ADAMTS16: variants seen among roughly 807,000 people sequenced by gnomAD.
The protein encoded by ADAMTS16 is A disintegrin and metalloproteinase with thrombospondin motifs 16.
ADAMTS16 carries 94 observed loss-of-function variants against 145.8 expected under a neutral mutation model. The ratio of observed to expected loss-of-function variants is 0.64; its 90% CI spans 0.55 to 0.77. The LOEUF is 0.77. Among genes scored for constraint, ADAMTS16 ranks in the 30% least tolerant of loss-of-function variants. The pLI is 0.00. For synonymous variants in ADAMTS16, 659 were observed against 604.3 expected, an observed-to-expected ratio of 1.09 and a Z score of -1.33; for missense variants, 1,585 against 1,591.5, an observed-to-expected ratio of 1.00 and a Z score of 0.07.
chr5:5,197,659 G>A lies in ADAMTS16; in HGVS notation c.1314-2473G>A, dbSNP rs534502374. Among the ~76,000 whole-genome samples, 31 of 152,348 alleles carry A rather than the reference G, an allele frequency of 2.0e-4. No individual in the cohort carries two copies. In the South Asian group the frequency reaches 6.4e-3, roughly 32 times the overall value. On this transcript the variant is annotated intron_variant, in intron 8 of 22. Coordinates refer to ENST00000274181, the MANE Select transcript of ADAMTS16 (RefSeq NM_139056.4). ...CTGCATAATTTGAATAGTAGTTATA[G>A]TTCTTGGTTGCCACATAGCAACCTT...
At chr5:5,276,105 CA>C (rs1354584395) in intron 18 of ADAMTS16, among the ~76,000 whole-genome samples, 10 of 3,234 alleles carry the variant, frequency 3.1e-3, no homozygotes, top group African/African-American at 3.3e-3. Context: ...GTGATCCACC[CA>C]TCTTGGCCTC....
At chr5:5,301,428 C>A (rs982610135) in intron 18 of ADAMTS16, among the ~76,000 whole-genome samples, 1 of 152,174 alleles carries the variant, frequency 6.6e-6, no homozygotes, top group African/African-American at 2.4e-5. Context: ...GCATATACTG[C>A]CTGCTCTGAA....
At chr5:5,213,981 G>A (rs960058860) in intron 10 of ADAMTS16, among the ~76,000 whole-genome samples, 1 of 152,184 alleles carries the variant, frequency 6.6e-6, no homozygotes, top group African/African-American at 2.4e-5. Context: ...TGCTGAACAG[G>A]CCTCTACTCT....
At chr5:5,153,549 G>A (rs556549481) in intron 3 of ADAMTS16, among the ~76,000 whole-genome samples, 5 of 152,244 alleles carry the variant, frequency 3.3e-5, no homozygotes, top group South Asian at 4.1e-4. Flanking sequence ...GTCAAACACT[G>A]TAAATTTTCT....
intron 3 of ADAMTS16, among the ~76,000 whole-genome samples, chr5:5,164,114 G>A (rs140288248): frequency 3.9e-5 from 6 of 152,188 alleles, no homozygotes; most frequent in African/African-American, 1.2e-4. Context: ...TATGCAGAAG[G>A]CGGCAAACTC....
chr5:5,289,879 C>A (rs563997710), intron 18 of ADAMTS16, among the ~76,000 whole-genome samples: 1 of 152,298 alleles, frequency 6.6e-6, no homozygotes, highest in East Asian at 1.9e-4. Context: ...TGAAAGCATC[C>A]TCCAGCAAAA....
At chr5:5,239,973 T>C in intron 16 of ADAMTS16, 48 bp downstream of exon 16, 1 of 1,602,152 alleles carries the variant, frequency 6.2e-7, no homozygotes, top group Non-Finnish European at 8.5e-7. Context: ...GGGGGTGTTC[T>C]GGTGTCTGTG....
Position 5,200,255 on chromosome 5 carries a change from A to C in ADAMTS16, c.1437A>C (p.Leu479=). 4.3e-6 allele frequency: 7 copies of C among 1,614,036 alleles called. No individual in the cohort carries two copies. Among genetic ancestry groups the C allele is most frequent in the Non-Finnish European group, 5.9e-6 (7 of 1,179,948 alleles). ...GGTCACCCTGCAGCCGCCAGTATCT[A>C]CACAAATTTCTAAGGTAGGAACTCT... is the stretch of plus-strand genomic sequence containing the variant. ...FSWSPCSRQY[L]HKFLSTAQAI... is the part of the protein sequence containing the mutation. Residue 479 remains leucine (L), a synonymous_variant, in exon 9 of 23, where the codon CTA becomes CTC. Coordinates refer to ENST00000274181, the MANE Select transcript of ADAMTS16 (RefSeq NM_139056.4).
At chr5:5,303,523 G>A in intron 19 of ADAMTS16, 49 bp from the exon 20 acceptor site, 3 of 1,609,290 alleles carry the variant, frequency 1.9e-6, no homozygotes, top group Non-Finnish European at 2.6e-6. Flanking sequence ...ATGATCTGCT[G>A]TGTTGCACAT....
At chr5:5,146,659 A>G (rs1041259358) in intron 3 of ADAMTS16, among the ~76,000 whole-genome samples, 1 of 152,150 alleles carries the variant, frequency 6.6e-6, no homozygotes, top group African/African-American at 2.4e-5. Flanking sequence ...GTGCACACCC[A>G]CCCTGCTGCT....
chr5:5,238,042 T>C (rs1008237652), intron 14 of ADAMTS16, among the ~76,000 whole-genome samples: 1 of 152,206 alleles, frequency 6.6e-6, no homozygotes, highest in African/African-American at 2.4e-5. Flanking sequence ...CATGGTAAAG[T>C]TGAATCATCC....
At chr5:5,260,230 A>C (rs565954875) in intron 17 of ADAMTS16, among the ~76,000 whole-genome samples, 10 of 150,520 alleles carry the variant, frequency 6.6e-5, no homozygotes, top group Non-Finnish European at 1.3e-4. Context: ...ACATTTCCAG[A>C]GTTTAAATCT....
intron 18 of ADAMTS16, among the ~76,000 whole-genome samples, chr5:5,299,385 A>C (rs1739679794): frequency 6.6e-6 from 1 of 152,240 alleles, no homozygotes. Flanking sequence ...TGGCCTCTGC[A>C]TCTGAATTGT....
Position 5,239,717 on chromosome 5 carries a change from G to A in ADAMTS16, c.2315G>A (p.Arg772Gln), listed in dbSNP as rs776235298. The A allele has an allele frequency of 3.7e-6, 6 of 1,614,004 alleles. No individual in the cohort carries two copies. Among genetic ancestry groups the A allele is most frequent in the African/African-American group, 1.3e-5 (1 of 74,916 alleles). Reference protein sequence around the residue: ...YHMVTIPSGARSIRIYEMNVS... With the variant: ...YHMVTIPSGAQSIRIYEMNVS... The stretch of plus-strand genomic sequence containing the variant: ...ATGGTCACCATTCCTTCTGGAGCCC[G>A]GAGTATCCGCATCTATGAAATGAAC... Residue 772 changes from arginine to glutamine, a missense_variant, in exon 16 of 23, where the codon CGG becomes CAG. By Grantham distance (43) the Arg-to-Gln change is conservative (BLOSUM62 1). This residue lies in a region of ADAMTS16 where 834 missense variants were observed against 811.7 expected (regional missense o/e 1.03). Coordinates refer to ENST00000274181, the MANE Select transcript of ADAMTS16 (RefSeq NM_139056.4).
chr5:5,301,360 G>C (rs1018301264), intron 18 of ADAMTS16, among the ~76,000 whole-genome samples: 4 of 152,168 alleles, frequency 2.6e-5, no homozygotes, highest in Non-Finnish European at 5.9e-5. Flanking sequence ...TGGGATTACA[G>C]GCGTGAGCTA....
intron 10 of ADAMTS16, among the ~76,000 whole-genome samples, chr5:5,220,434 A>C (rs1164002486): frequency 2.0e-5 from 3 of 151,798 alleles, no homozygotes; most frequent in African/African-American, 7.3e-5. Flanking sequence ...CTGGGATTAC[A>C]GGTGTGAGCC....
At chr5:5,169,412 A>G (rs954131235) in intron 3 of ADAMTS16, among the ~76,000 whole-genome samples, 1 of 152,088 alleles carries the variant, frequency 6.6e-6, no homozygotes, top group Non-Finnish European at 1.5e-5. Flanking sequence ...TGCCCAGCAC[A>G]CTCAGTCTCC....
intron 10 of ADAMTS16, among the ~76,000 whole-genome samples, chr5:5,220,458 A>G (rs1349852632): frequency 6.6e-6 from 1 of 151,962 alleles, no homozygotes; most frequent in Admixed American, 6.6e-5. Context: ...GCGCCCGGCC[A>G]ATAATTTAAC....
intron 3 of ADAMTS16, among the ~76,000 whole-genome samples, chr5:5,178,382 G>T (rs1263060409): frequency 6.6e-6 from 1 of 152,176 alleles, no homozygotes; most frequent in Non-Finnish European, 1.5e-5. Context: ...CTACAGGCAG[G>T]TTCCCCTAGA....
Sources: allele counts gnomAD v4.1 joint callset (sites outside exome capture counted in the v4.1 genomes callset), GRCh38; gene constraint gnomAD v4.1.1; regional missense constraint gnomAD v4.1.1; transcripts MANE v1.5; gene names NCBI Gene and HGNC (gene_info 2026-07-23, HGNC 2026-07-21).